FARP1: variants seen among roughly 807,000 people sequenced by gnomAD.
The protein encoded by FARP1 is FERM, ARHGEF and pleckstrin domain-containing protein 1.
A neutral mutation model predicts 128.8 loss-of-function variants in FARP1; 52 were observed. That is an observed-to-expected ratio of 0.40 (90% CI 0.32 to 0.51). The LOEUF (loss-of-function observed/expected upper bound fraction) is 0.51. Ranked by LOEUF, FARP1 falls within the 20% of genes least tolerant of loss-of-function variation. The pLI, the probability that FARP1 is intolerant of heterozygous loss-of-function variation, is 0.45. For synonymous variants in FARP1, 580 were observed against 551.8 expected (o/e 1.05, Z -0.72); for missense variants, 1,333 against 1,367.9 (o/e 0.97, Z 0.40).
chr13:98,422,506 G>A lies in FARP1; in HGVS notation c.1827-2066G>A, dbSNP rs148405322. Reference sequence around the variant, plus strand: ...CCCAGGAAGGAGCTTGGGGAGCCTGGGGGTGCTCTCTTTTCTTTGATTTTA... The same window carrying A: ...CCCAGGAAGGAGCTTGGGGAGCCTGAGGGTGCTCTCTTTTCTTTGATTTTA... On this transcript the variant is annotated intron_variant, in intron 16 of 26. Transcript: ENST00000319562. Among the ~76,000 whole-genome samples the A allele has an allele frequency of 1.3e-3, 191 of 152,242 alleles. 1 individual carries two copies. Among genetic ancestry groups the A allele is most frequent in the Non-Finnish European group, 2.3e-3 (155 of 68,008 alleles).
intron 2 of FARP1, among the ~76,000 whole-genome samples, chr13:98,301,533 A>G (rs1885924965): frequency 6.6e-6 from 1 of 152,122 alleles, no homozygotes; most frequent in African/African-American, 2.4e-5. Flanking sequence ...GGAGCTTGGC[A>G]TTTGTTTACT....
intron 1 of FARP1, among the ~76,000 whole-genome samples, chr13:98,171,014 A>T (rs918669719): frequency 1.3e-5 from 2 of 152,200 alleles, no homozygotes; most frequent in African/African-American, 2.4e-5. Flanking sequence ...CTCAAATATC[A>T]GTATATGTGC....
rs768787362 is a variant in FARP1 at position 98,438,814 on chromosome 13, G to A, written c.2285G>A (p.Arg762His). The change falls in exon 20 of 27, where the codon CGT becomes CAT. Residue 762 changes from arginine (R) to histidine (H), a missense_variant. By Grantham distance (29) the Arg-to-His change is conservative (BLOSUM62 0). Coordinates refer to ENST00000319562, the MANE Select transcript of FARP1 (RefSeq NM_005766.4). ...NLVVPGREFI[R>H]LGSLSKLSGK... Reference sequence around the variant, plus strand: ...CTGTCTCCCCTGCAGGAGTTCATCCGTCTGGGCAGCCTCAGCAAGCTCTCG... The same window carrying A: ...CTGTCTCCCCTGCAGGAGTTCATCCATCTGGGCAGCCTCAGCAAGCTCTCG... The A allele has an allele frequency of 9.9e-6, 16 of 1,612,636 alleles. No individual in the cohort carries two copies. Among genetic ancestry groups the A allele is most frequent in the Middle Eastern group, 2.0e-4 (1 of 5,112 alleles).
chr13:98,155,066 G>A (rs1876402019), intron 1 of FARP1, among the ~76,000 whole-genome samples: 2 of 152,148 alleles, frequency 1.3e-5, no homozygotes, highest in South Asian at 2.1e-4. Context: ...GTCAACTGGG[G>A]CCGGGCGTGG....
intron 2 of FARP1, among the ~76,000 whole-genome samples, chr13:98,283,617 T>C (rs1192428823): frequency 6.6e-6 from 1 of 152,120 alleles, no homozygotes; most frequent in African/African-American, 2.4e-5. Context: ...GCCTATTCAC[T>C]AATATTTTTA....
At chr13:98,158,822 A>G (rs1441903893) in intron 1 of FARP1, among the ~76,000 whole-genome samples, 1 of 152,132 alleles carries the variant, frequency 6.6e-6, no homozygotes, top group African/African-American at 2.4e-5. Flanking sequence ...TGAGAAATGC[A>G]GAGGTGGTTG....
At chr13:98,435,496 C>G in intron 18 of FARP1, 80 bp from the exon 19 acceptor site, 1 of 1,434,502 alleles carries the variant, frequency 7.0e-7, no homozygotes, top group Non-Finnish European at 9.5e-7. Context: ...GATTTCCCTG[C>G]AGCGTTGAGC....
At chr13:98,322,312 C>CA (rs991698738) in intron 2 of FARP1, among the ~76,000 whole-genome samples, 2 of 152,040 alleles carry the variant, frequency 1.3e-5, no homozygotes, top group Admixed American at 1.3e-4. Context: ...AACAAACAAA[C>CA]AAAAAAATGT....
chr13:98,368,216 G>GT, intron 5 of FARP1, 21 bp downstream of exon 5: 1 of 1,584,262 alleles, frequency 6.3e-7, no homozygotes, highest in Non-Finnish European at 8.7e-7. Context: ...TGGAAACTGT[G>GT]TATTTTTTGC....
At chr13:98,357,119 C>CT (rs1888675588) in intron 3 of FARP1, among the ~76,000 whole-genome samples, 1 of 152,000 alleles carries the variant, frequency 6.6e-6, no homozygotes, top group Admixed American at 6.6e-5. Context: ...CATATACTTG[C>CT]TTTTTTCTTT....
At chr13:98,180,205 C>G (rs1878407961) in intron 1 of FARP1, among the ~76,000 whole-genome samples, 1 of 152,070 alleles carries the variant, frequency 6.6e-6, no homozygotes, top group South Asian at 2.1e-4. Flanking sequence ...GGTGATGGCC[C>G]CAGTAAACTT....
intron 1 of FARP1, among the ~76,000 whole-genome samples, chr13:98,193,964 C>G (rs1214506015): frequency 6.6e-6 from 1 of 152,002 alleles, no homozygotes; most frequent in African/African-American, 2.4e-5. Context: ...TTAATAGATT[C>G]TTTAGTTCAT....
At chr13:98,366,531 C>G (rs1889093021) in intron 4 of FARP1, among the ~76,000 whole-genome samples, 1 of 152,228 alleles carries the variant, frequency 6.6e-6, no homozygotes, top group Non-Finnish European at 1.5e-5. Context: ...GAACTGCTAA[C>G]AGTGGCAAGG....
At chr13:98,377,300 CAAA>C (rs78313498) in intron 5 of FARP1, among the ~76,000 whole-genome samples, 1 of 99,646 alleles carries the variant, frequency 1.0e-5, no homozygotes, top group Non-Finnish European at 2.2e-5. Flanking sequence ...GACTTTGTCT[CAAA>C]AAAAAAAAAA....
rs1880183744 is a variant in FARP1, at chr13:98,205,009, G to C, written c.-23-8211G>C. Reference sequence around the variant, plus strand: ...GAATGAAAATTTGCTTGTGATGAAAGTTTTGATTCTGTTACAATTCTTTGA... The same window carrying C: ...GAATGAAAATTTGCTTGTGATGAAACTTTTGATTCTGTTACAATTCTTTGA... On this transcript the variant is annotated intron_variant, in intron 1 of 26. Transcript: ENST00000319562. 2.6e-5 allele frequency among the ~76,000 whole-genome samples: 4 copies of C among 152,226 alleles called. 1 individual carries two copies. The South Asian group carries it at 6.2e-4, about 24-fold the overall frequency.
rs375949087 is a variant in FARP1 at position 98,307,344 on chromosome 13, T to C, written c.172-36418T>C. 6.5e-4 allele frequency among the ~76,000 whole-genome samples: 99 copies of C among 152,296 alleles called. 2 individuals carry two copies. In the East Asian group the frequency reaches 6.8e-3, roughly 10 times the overall value. ...TACCTCACACAGATTCTGTTATGGA[T>C]GGAGTTGACAGAACTAATACCTAAT... On this transcript the variant is annotated intron_variant, in intron 2 of 26. Transcript: ENST00000319562.
At position 98,353,620 on chromosome 13, in the gene FARP1, C is replaced by T. The variant is rs563695275; in HGVS notation, c.276+9754C>T. Among the ~76,000 whole-genome samples the T allele has an allele frequency of 1.8e-4, 27 of 152,216 alleles. No individual in the cohort carries two copies. The South Asian group carries it at 5.0e-3, about 28-fold the overall frequency. ...CTCGAACTCCTGACCTCAGGTGATC[C>T]ACCTGCCTCGGCCTCCCAAAGTGCT... On this transcript the variant is annotated intron_variant, in intron 3 of 26. Coordinates refer to ENST00000319562, the MANE Select transcript of FARP1 (RefSeq NM_005766.4).
chr13:98,226,354 G>C (rs543038146), intron 2 of FARP1, among the ~76,000 whole-genome samples: 1 of 151,996 alleles, frequency 6.6e-6, no homozygotes, highest in Non-Finnish European at 1.5e-5. Context: ...TTCCCCTTTC[G>C]TAAGGACATG....
chr13:98,197,926 C>T (rs1166825674), intron 1 of FARP1, among the ~76,000 whole-genome samples: 7 of 152,090 alleles, frequency 4.6e-5, no homozygotes, highest in African/African-American at 1.2e-4. Flanking sequence ...TGAGCCACCG[C>T]GCCCGGCCAA....
Sources: gnomAD v4.1 joint callset for allele counts (sites outside exome capture counted in the v4.1 genomes callset) on GRCh38, gnomAD v4.1.1 for gene constraint, MANE v1.5 for transcripts, NCBI Gene and HGNC (gene_info 2026-07-23, HGNC 2026-07-21) for gene names.